Variants in CALCR observed in about 807,000 individuals in gnomAD.
CALCR encodes calcitonin receptor.
In CALCR, 47 loss-of-function variants were observed where a neutral mutation model predicts 59.5. That is an observed-to-expected ratio of 0.79 (90% CI 0.63 to 1.01). CALCR has a LOEUF of 1.01. Ranked by LOEUF, CALCR falls within the 50% of genes least tolerant of loss-of-function variation. The pLI, the probability that CALCR is intolerant of heterozygous loss-of-function variation, is 0.00. For missense variants in CALCR, 566 were observed against 597.1 expected, an observed-to-expected ratio of 0.95 and a Z score of 0.54; for synonymous variants, 213 against 211.3, an observed-to-expected ratio of 1.01 and a Z score of -0.07.
intron 6 of CALCR, among the ~76,000 whole-genome samples, chr7:93,470,335 C>T (rs1349349251): frequency 1.3e-5 from 2 of 151,566 alleles, no homozygotes; most frequent in African/African-American, 4.8e-5. Context: ...TTTCTAACTT[C>T]ACTTGTAGAC....
chr7:93,492,015 A>C (rs1398522945), intron 2 of CALCR, among the ~76,000 whole-genome samples: 2 of 151,720 alleles, frequency 1.3e-5, no homozygotes, highest in Admixed American at 1.3e-4. Flanking sequence ...TGCCCATCAA[A>C]GATAGACCGT....
intron 2 of CALCR, among the ~76,000 whole-genome samples, chr7:93,567,745 C>T (rs985647090): frequency 1.2e-4 from 18 of 151,852 alleles, no homozygotes; most frequent in Non-Finnish European, 2.2e-4. Context: ...GTTCCCTGCC[C>T]TGTGTCCAAG....
chr7:93,434,400 AAAGCAAG>A, intron 12 of CALCR, 106 bp from the exon 13 acceptor site: 1 of 696,548 alleles, frequency 1.4e-6, no homozygotes. Flanking sequence ...AAAAAAAAAA[AAAGCAAG>A]AAAAAGAATT....
chr7:93,527,669 A>G (rs966268494), intron 2 of CALCR, among the ~76,000 whole-genome samples: 8 of 152,146 alleles, frequency 5.3e-5, no homozygotes, highest in African/African-American at 1.9e-4. Flanking sequence ...GCCCACTTCA[A>G]AATGCTGTCT....
At chr7:93,547,105 T>C (rs1310557949) in intron 2 of CALCR, among the ~76,000 whole-genome samples, 1 of 152,124 alleles carries the variant, frequency 6.6e-6, no homozygotes, top group Non-Finnish European at 1.5e-5. Flanking sequence ...AAAAGACCCT[T>C]GATCTCATGG....
At chr7:93,568,860 A>T (rs1789932481) in intron 2 of CALCR, among the ~76,000 whole-genome samples, 1 of 152,044 alleles carries the variant, frequency 6.6e-6, no homozygotes, top group Non-Finnish European at 1.5e-5. Flanking sequence ...ACATCATCAC[A>T]TGGATGAGCC....
chr7:93,475,282 T>C (rs1484158442), intron 5 of CALCR, among the ~76,000 whole-genome samples: 1 of 151,840 alleles, frequency 6.6e-6, no homozygotes, highest in Non-Finnish European at 1.5e-5. Flanking sequence ...TACTGCTTCA[T>C]GTAAATCTGT....
In CALCR at chr7:93,574,328, G is replaced by A. The variant is rs1790068171; in HGVS notation, c.-66C>T. On this transcript the variant is annotated 5_prime_UTR_variant, in exon 2 of 14. Transcript: ENST00000426151. Reference sequence around the variant, plus strand: ...CTGGGCGGCTGGGCACAGCTCAATAGAAGCAAAGGGTGTTCGCAGGTGTGG... The same window carrying A: ...CTGGGCGGCTGGGCACAGCTCAATAAAAGCAAAGGGTGTTCGCAGGTGTGG... 6.6e-6 allele frequency: 1 copy of A among 152,280 alleles called. No individual in the cohort carries two copies. The highest frequency in any genetic ancestry group is 2.4e-5 in the African/African-American group (1 of 41,470). The allele number at this position is 152,280 out of a possible 1,614,324, so 9.4% of individuals were successfully genotyped here.
chr7:93,537,436 C>T (rs961462851), intron 2 of CALCR, among the ~76,000 whole-genome samples: 3 of 151,498 alleles, frequency 2.0e-5, no homozygotes, highest in Admixed American at 1.3e-4. Flanking sequence ...TGATGTCTCC[C>T]GATGTTATTT....
At chr7:93,507,847 C>T (rs1420326326) in intron 2 of CALCR, among the ~76,000 whole-genome samples, 1 of 151,062 alleles carries the variant, frequency 6.6e-6, no homozygotes, top group Admixed American at 6.6e-5. Context: ...GGCATGAACC[C>T]GGGAGGCAGA....
At chr7:93,436,286 T>G (rs1377158948) in intron 11 of CALCR, 116 bp from the exon 12 acceptor site, 5 of 806,200 alleles carry the variant, frequency 6.2e-6, no homozygotes, top group Non-Finnish European at 1.0e-5. Flanking sequence ...ACATAGAACA[T>G]GAGAGTCTAC....
chr7:93,458,205 T>C (rs1212514854), intron 8 of CALCR, among the ~76,000 whole-genome samples: 1 of 152,124 alleles, frequency 6.6e-6, no homozygotes, highest in African/African-American at 2.4e-5. Context: ...CATATATTCA[T>C]ACCACAAAAA....
chr7:93,560,765 G>A (rs1013306712), intron 2 of CALCR, among the ~76,000 whole-genome samples: 1 of 152,116 alleles, frequency 6.6e-6, no homozygotes, highest in Non-Finnish European at 1.5e-5. Flanking sequence ...GTGGGATAGT[G>A]AAGATAAAGT....
rs375171894 is a variant in CALCR at position 93,567,105 on chromosome 7, T to C, written c.-27+7184A>G. 7.2e-5 allele frequency among the ~76,000 whole-genome samples: 11 copies of C among 152,340 alleles called. No homozygotes were observed. In the East Asian group the frequency reaches 1.9e-3, roughly 27 times the overall value. On this transcript the variant is annotated intron_variant, in intron 2 of 13. Coordinates refer to ENST00000426151, the MANE Select transcript of CALCR (RefSeq NM_001742.4). ...ATTAAACTGAATGCTATGTTCTGAA[T>C]ATGTGTGCTATGTTTTAAATGCTCA...
chr7:93,501,151 T>C (rs1387514656), intron 2 of CALCR, among the ~76,000 whole-genome samples: 1 of 152,080 alleles, frequency 6.6e-6, no homozygotes, highest in East Asian at 1.9e-4. Flanking sequence ...GTTCTCATCA[T>C]AGCAGTTGTT....
intron 9 of CALCR, among the ~76,000 whole-genome samples, chr7:93,441,206 G>T (rs965991283): frequency 6.6e-6 from 1 of 151,996 alleles, no homozygotes; most frequent in African/African-American, 2.4e-5. Flanking sequence ...TTTTTCCCAT[G>T]AAAAATTTTC....
chr7:93,520,705 A>G (rs1425508112), intron 2 of CALCR, among the ~76,000 whole-genome samples: 2 of 152,186 alleles, frequency 1.3e-5, no homozygotes, highest in Admixed American at 6.6e-5. Flanking sequence ...ATATTCTGAC[A>G]AGAAATGCAG....
At chr7:93,458,061 T>C (rs1800244308) in intron 8 of CALCR, among the ~76,000 whole-genome samples, 1 of 152,146 alleles carries the variant, frequency 6.6e-6, no homozygotes, top group Admixed American at 6.6e-5. Flanking sequence ...AAATTTTCTT[T>C]AAATCAATTG....
chr7:93,461,999 G>A, intron 7 of CALCR: 1 of 928,732 alleles, frequency 1.1e-6, no homozygotes, highest in African/African-American at 1.7e-5. Flanking sequence ...AGTTAGAAAT[G>A]AAGAATTTTG....
Sources: gnomAD v4.1 joint callset for allele counts (sites outside exome capture counted in the v4.1 genomes callset) on GRCh38, gnomAD v4.1.1 for gene constraint, MANE v1.5 for transcripts, NCBI Gene and HGNC (gene_info 2026-07-23, HGNC 2026-07-21) for gene names.